RIC8B: variants seen among roughly 807,000 people sequenced by gnomAD.
The protein encoded by RIC8B is RIC8 guanine nucleotide exchange factor B.
Under a neutral mutation model 57.5 loss-of-function variants are expected in RIC8B, and 16 were observed. That is an observed-to-expected ratio of 0.28 (90% CI 0.19 to 0.42). The LOEUF is 0.42. RIC8B is among the 10% of genes least tolerant of loss of function. The pLI is 1.00. For missense variants in RIC8B, 481 were observed against 677.0 expected (o/e 0.71, Z 3.21); for synonymous variants, 216 against 250.8 (o/e 0.86, Z 1.31).
chr12:106,802,755 G>T (rs190103278), intron 2 of RIC8B, among the ~76,000 whole-genome samples: 9 of 152,070 alleles, frequency 5.9e-5, no homozygotes, highest in Admixed American at 1.3e-4. Flanking sequence ...AAGAATTTGA[G>T]TCCCCTTTTC....
At chr12:106,871,121 CT>C (rs1342217955) in intron 9 of RIC8B, 179 bp downstream of exon 9, 9 of 474,456 alleles carry the variant, frequency 1.9e-5, no homozygotes, top group Non-Finnish European at 3.3e-5. Flanking sequence ...ACATGTGCCG[CT>C]TCTGGATGTG....
intron 4 of RIC8B, among the ~76,000 whole-genome samples, chr12:106,840,817 A>T (rs1481406512): frequency 6.6e-6 from 1 of 152,110 alleles, no homozygotes; most frequent in Non-Finnish European, 1.5e-5. Context: ...CCCATCTGAA[A>T]CTTTTCAATC....
At chr12:106,776,015 G>A (rs181797661) in intron 1 of RIC8B, among the ~76,000 whole-genome samples, 9 of 152,192 alleles carry the variant, frequency 5.9e-5, no homozygotes, top group African/African-American at 2.2e-4. Context: ...CTGAATTCCC[G>A]TTTAATCTTC....
intron 9 of RIC8B, chr12:106,871,599 T>C (rs1950435794): frequency 6.6e-6 from 1 of 151,582 alleles, no homozygotes; most frequent in South Asian, 2.1e-4. Context: ...CAGCAACTAG[T>C]CATCTTGGAG....
At chr12:106,781,480 G>A (rs1362593607) in intron 1 of RIC8B, among the ~76,000 whole-genome samples, 1 of 152,180 alleles carries the variant, frequency 6.6e-6, no homozygotes, top group Non-Finnish European at 1.5e-5. Context: ...GTTTATAGAA[G>A]CCAACATCTA....
At chr12:106,835,617 A>T (rs946894130) in intron 4 of RIC8B, among the ~76,000 whole-genome samples, 1 of 152,238 alleles carries the variant, frequency 6.6e-6, no homozygotes, top group Admixed American at 6.5e-5. Context: ...TTTACTAATT[A>T]TGTTATGCTG....
intron 2 of RIC8B, among the ~76,000 whole-genome samples, chr12:106,810,199 C>T: frequency 7.1e-6 from 1 of 141,672 alleles, no homozygotes. Context: ...TCCTAAAGTG[C>T]TAGGATTATA....
At chr12:106,781,781 A>G (rs1229731214) in intron 1 of RIC8B, among the ~76,000 whole-genome samples, 1 of 152,246 alleles carries the variant, frequency 6.6e-6, no homozygotes, top group Non-Finnish European at 1.5e-5. Context: ...AAGTAGGTAC[A>G]TTTATTCCAG....
At chr12:106,816,949 C>T (rs1464365934) in intron 3 of RIC8B, among the ~76,000 whole-genome samples, 4 of 152,106 alleles carry the variant, frequency 2.6e-5, no homozygotes, top group South Asian at 2.1e-4. Context: ...TGACCTAGTA[C>T]CTGTTGTGAG....
At chr12:106,786,805 G>A (rs1033110321) in intron 2 of RIC8B, among the ~76,000 whole-genome samples, 1 of 151,340 alleles carries the variant, frequency 6.6e-6, no homozygotes. Context: ...AAAAAAAAAA[G>A]CAAGGTGTTA....
chr12:106,823,445 A>T (rs1471423321), intron 3 of RIC8B: 9 of 456,240 alleles, frequency 2.0e-5, no homozygotes, highest in Non-Finnish European at 3.5e-5. Flanking sequence ...AAAACTGGAA[A>T]AGGTAAAAAG....
rs756220758 is a variant in RIC8B at position 106,843,840 on chromosome 12, T to C, written c.1066-12T>C. 113 of 1,587,660 alleles carry C rather than the reference T, an allele frequency of 7.1e-5. 2 individuals carry two copies. The South Asian group carries it at 1.3e-3, about 18-fold the overall frequency. ...AACGTATTTCAAAAACATATGGTTTTTTTTTTTATAGGGAAGCAGCTATAG... is the reference window on the plus strand; with the variant it reads ...AACGTATTTCAAAAACATATGGTTTCTTTTTTTATAGGGAAGCAGCTATAG... On this transcript the variant is annotated splice_polypyrimidine_tract_variant and intron_variant, in intron 5 of 9. Coordinates refer to ENST00000392837, the MANE Select transcript of RIC8B (RefSeq NM_001330145.2).
intron 2 of RIC8B, among the ~76,000 whole-genome samples, chr12:106,789,794 A>G (rs1372040106): frequency 2.0e-5 from 3 of 152,284 alleles, no homozygotes; most frequent in East Asian, 1.9e-4. Flanking sequence ...TTGGAGCTCT[A>G]TGCCAGCAAC....
intron 9 of RIC8B, among the ~76,000 whole-genome samples, chr12:106,876,312 T>C (rs1195763576): frequency 3.3e-5 from 5 of 152,158 alleles, no homozygotes; most frequent in Non-Finnish European, 5.9e-5. Flanking sequence ...ATAGGTTACA[T>C]ATGGAAATGA....
At position 106,843,836 on chromosome 12, in the gene RIC8B, G is replaced by GTTTT; in HGVS notation, c.1066-8_1066-5dup. ...AACTAACGTATTTCAAAAACATATG[G>GTTTT]TTTTTTTTTTTATAGGGAAGCAGCT... On this transcript the variant is annotated splice_polypyrimidine_tract_variant and intron_variant, in intron 5 of 9. Coordinates refer to ENST00000392837, the MANE Select transcript of RIC8B (RefSeq NM_001330145.2). The GTTTT allele has an allele frequency of 1.6e-6, 2 of 1,241,846 alleles. No homozygotes were observed. The highest frequency in any genetic ancestry group is 2.2e-6 in the Non-Finnish European group (2 of 895,140). The allele number at this position is 1,241,846 out of a possible 1,614,324, so 76.9% of individuals were successfully genotyped here.
At chr12:106,883,168 A>G (rs1951029312) in intron 9 of RIC8B, among the ~76,000 whole-genome samples, 1 of 152,006 alleles carries the variant, frequency 6.6e-6, no homozygotes, top group South Asian at 2.1e-4. Context: ...CCATCTGCCA[A>G]TCCTACTTTT....
intron 9 of RIC8B, among the ~76,000 whole-genome samples, chr12:106,884,945 G>A (rs1021282344): frequency 2.0e-5 from 3 of 152,070 alleles, no homozygotes; most frequent in Non-Finnish European, 4.4e-5. Flanking sequence ...ACATGTTTTT[G>A]GGGGGTGATG....
chr12:106,835,102 C>A (rs186441697), intron 4 of RIC8B, among the ~76,000 whole-genome samples: 1 of 151,764 alleles, frequency 6.6e-6, no homozygotes, highest in East Asian at 1.9e-4. Flanking sequence ...TTTGTACTTA[C>A]CGTTTCCATG....
chr12:106,860,173 AG>A, intron 7 of RIC8B, 94 bp from the exon 8 acceptor site: 1 of 1,072,122 alleles, frequency 9.3e-7, no homozygotes. Context: ...TTACTGCCAT[AG>A]TGTGTGTCTT....
Sources: allele counts gnomAD v4.1 joint callset (sites outside exome capture counted in the v4.1 genomes callset), GRCh38; gene constraint gnomAD v4.1.1; transcripts MANE v1.5; gene names NCBI Gene and HGNC (gene_info 2026-07-23, HGNC 2026-07-21).